VAV3: variants seen among roughly 807,000 people sequenced by gnomAD.
VAV3 encodes the protein guanine nucleotide exchange factor VAV3.
VAV3 carries 94 observed loss-of-function variants against 131.2 expected under a neutral mutation model. The observed-to-expected ratio is 0.72, with a 90% CI of 0.61 to 0.85. The LOEUF (loss-of-function observed/expected upper bound fraction) is 0.85, where lower values mean the gene tolerates loss of function less well. VAV3 is among the 40% of genes least tolerant of loss of function. VAV3 has a pLI of 0.00. For synonymous variants in VAV3, 349 were observed against 342.0 expected, an observed-to-expected ratio of 1.02 and a Z score of -0.22; for missense variants, 939 against 1,002.7, an observed-to-expected ratio of 0.94 and a Z score of 0.86.
intron 25 of VAV3, among the ~76,000 whole-genome samples, chr1:107,575,539 A>G (rs1649585900): frequency 6.6e-6 from 1 of 152,168 alleles, no homozygotes; most frequent in Admixed American, 6.5e-5. Flanking sequence ...ATTTTGTTTT[A>G]CTGTTCAGGA....
intron 1 of VAV3, among the ~76,000 whole-genome samples, chr1:107,913,979 G>C (rs781150214): frequency 2.0e-5 from 3 of 152,106 alleles, no homozygotes; most frequent in Non-Finnish European, 4.4e-5. Flanking sequence ...ATTTTTAGTA[G>C]AGACGGGGTT....
At chr1:107,745,913 C>G (rs1467879204) in intron 15 of VAV3, among the ~76,000 whole-genome samples, 1 of 152,156 alleles carries the variant, frequency 6.6e-6, no homozygotes, top group Non-Finnish European at 1.5e-5. Context: ...TAGGGGAACT[C>G]AAGGGACTCG....
chr1:107,601,030 A>T (rs567011726), intron 24 of VAV3, among the ~76,000 whole-genome samples: 2 of 152,252 alleles, frequency 1.3e-5, no homozygotes, highest in South Asian at 4.1e-4. Context: ...TCTTGCAGAG[A>T]TGTGGAGAGC....
intron 5 of VAV3, 116 bp from the exon 6 acceptor site, chr1:107,770,844 A>G (rs1050979598): frequency 1.2e-5 from 9 of 765,988 alleles, no homozygotes; most frequent in African/African-American, 1.1e-4. Flanking sequence ...AATACAACAC[A>G]TAATTGAAAG....
At chr1:107,625,674 G>A (rs1043643216) in intron 20 of VAV3, among the ~76,000 whole-genome samples, 5 of 152,148 alleles carry the variant, frequency 3.3e-5, no homozygotes, top group Non-Finnish European at 7.4e-5. Context: ...GCACATAAAG[G>A]TTGATTTGTT....
At chr1:107,881,458 G>A (rs888379405) in intron 1 of VAV3, among the ~76,000 whole-genome samples, 2 of 152,028 alleles carry the variant, frequency 1.3e-5, no homozygotes, top group African/African-American at 4.8e-5. Context: ...AGGAGGCCAG[G>A]GAGTCAGTTA....
intron 2 of VAV3, among the ~76,000 whole-genome samples, chr1:107,793,624 G>A (rs928279033): frequency 2.0e-5 from 3 of 152,190 alleles, no homozygotes; most frequent in South Asian, 2.1e-4. Context: ...GATTCAGGAT[G>A]AGGGATATGA....
intron 2 of VAV3, among the ~76,000 whole-genome samples, chr1:107,806,404 C>G (rs1667060623): frequency 6.7e-6 from 1 of 149,454 alleles, no homozygotes; most frequent in Admixed American, 6.7e-5. Flanking sequence ...CATCCTCATA[C>G]TGAGTTCTGG....
intron 19 of VAV3, chr1:107,673,669 T>C (rs1288305179): frequency 6.6e-6 from 1 of 152,242 alleles, no homozygotes. Flanking sequence ...CAAGTCAGTA[T>C]ACTTGTCAAA....
Position 107,602,492 on chromosome 1 carries a change from C to A in VAV3, c.2133-8G>T, listed in dbSNP as rs943261463. The stretch of plus-strand genomic sequence containing the variant: ...TTTGCTTCATTATTGTACCTGTGGG[C>A]AATGAATAACTTATGAATATAAATG... On this transcript the variant is annotated splice_region_variant and splice_polypyrimidine_tract_variant and intron_variant, in intron 23 of 26. Transcript: ENST00000370056. 2.9e-5 allele frequency: 45 copies of A among 1,554,492 alleles called. No homozygotes were observed. Among genetic ancestry groups the A allele is most frequent in the Admixed American group, 4.3e-5 (2 of 46,122 alleles).
intron 20 of VAV3, among the ~76,000 whole-genome samples, chr1:107,629,426 C>T (rs1654275728): frequency 6.6e-6 from 1 of 152,246 alleles, no homozygotes. Flanking sequence ...CATATTGCAA[C>T]AAAGACTTAA....
At chr1:107,795,424 C>T (rs1043612000) in intron 2 of VAV3, among the ~76,000 whole-genome samples, 1 of 151,804 alleles carries the variant, frequency 6.6e-6, no homozygotes, top group Non-Finnish European at 1.5e-5. Flanking sequence ...CTTATATTGG[C>T]TTCTGTGCAA....
At chr1:107,692,476 A>C (rs866181487) in intron 17 of VAV3, among the ~76,000 whole-genome samples, 18 of 152,160 alleles carry the variant, frequency 1.2e-4, no homozygotes, top group Non-Finnish European at 2.9e-5. Flanking sequence ...TGCAGAACTA[A>C]AGTCATTTTT....
intron 1 of VAV3, among the ~76,000 whole-genome samples, chr1:107,908,834 CA>C (rs1672231917): frequency 2.5e-5 from 2 of 80,774 alleles, no homozygotes; most frequent in South Asian, 1.0e-3. Flanking sequence ...CACACACACA[CA>C]CACACACACA....
At chr1:107,691,515 G>A (rs1469026060) in intron 17 of VAV3, among the ~76,000 whole-genome samples, 2 of 152,114 alleles carry the variant, frequency 1.3e-5, no homozygotes, top group Admixed American at 1.3e-4. Flanking sequence ...GTTGGCTGCT[G>A]GTTGAGATGG....
chr1:107,868,878 T>G (rs1387284850), intron 2 of VAV3, among the ~76,000 whole-genome samples: 2 of 152,128 alleles, frequency 1.3e-5, no homozygotes, highest in African/African-American at 4.8e-5. Flanking sequence ...AAAGGAGGAA[T>G]GTATTGGTTC....
intron 17 of VAV3, among the ~76,000 whole-genome samples, chr1:107,698,592 C>A (rs1049431062): frequency 6.6e-6 from 1 of 152,166 alleles, no homozygotes; most frequent in African/African-American, 2.4e-5. Context: ...GAGAACAGTA[C>A]CTGGCACTAA....
At chr1:107,733,555 T>C (rs1001153452) in intron 15 of VAV3, among the ~76,000 whole-genome samples, 8 of 152,180 alleles carry the variant, frequency 5.3e-5, no homozygotes, top group African/African-American at 1.4e-4. Context: ...AATGACCTGA[T>C]GGAGCTGAAA....
At chr1:107,628,817 T>A (rs983708293) in intron 20 of VAV3, among the ~76,000 whole-genome samples, 1 of 152,138 alleles carries the variant, frequency 6.6e-6, no homozygotes, top group African/African-American at 2.4e-5. Context: ...TATAAACAGG[T>A]CATAAATTTG....
Sources: gnomAD v4.1 joint callset for allele counts (sites outside exome capture counted in the v4.1 genomes callset) on GRCh38, gnomAD v4.1.1 for gene constraint, MANE v1.5 for transcripts, NCBI Gene and HGNC (gene_info 2026-07-23, HGNC 2026-07-21) for gene names.